DENND2A: variants seen among roughly 807,000 people sequenced by gnomAD.
DENND2A encodes DENN domain containing 2A, also known as DENN domain-containing protein 2A.
Under a neutral mutation model 105.3 loss-of-function variants are expected in DENND2A, and 53 were observed. The observed-to-expected ratio is 0.50, with a 90% CI of 0.40 to 0.63. The LOEUF (loss-of-function observed/expected upper bound fraction) is 0.63. Ranked by LOEUF, DENND2A falls within the 30% of genes least tolerant of loss-of-function variation. DENND2A has a pLI of 0.00. For synonymous variants in DENND2A, 522 were observed against 508.4 expected (o/e 1.03, Z -0.36); for missense variants, 1,138 against 1,279.6 (o/e 0.89, Z 1.69).
chr7:140,560,062 C>T (rs1461109856), intron 9 of DENND2A, among the ~76,000 whole-genome samples: 1 of 152,064 alleles, frequency 6.6e-6, no homozygotes, highest in African/African-American at 2.4e-5. Context: ...ATTCTCTATG[C>T]TTGACATTCT....
intron 12 of DENND2A, among the ~76,000 whole-genome samples, chr7:140,553,130 G>T (rs1003868268): frequency 6.6e-6 from 1 of 152,088 alleles, no homozygotes; most frequent in Non-Finnish European, 1.5e-5. Context: ...GGAGGATCCC[G>T]CCAGCCTCTG....
At position 140,568,763 on chromosome 7, in the gene DENND2A, C is replaced by T; in HGVS notation, c.1591G>A (p.Ala531Thr). The T allele has an allele frequency of 6.2e-7, 1 of 1,614,122 alleles. No individual in the cohort carries two copies. The highest frequency in any genetic ancestry group is 8.5e-7 in the Non-Finnish European group (1 of 1,180,002). The change falls in exon 8 of 20, where the codon GCT becomes ACT. Residue 531 changes from alanine to threonine, a missense_variant and splice_region_variant. Transcript: ENST00000496613. ...CCTGCACAGTAGTGGCTCTCCTCAC[C>T]TTTCAGCTTCTCCTCTGTGTCACTG... is the stretch of plus-strand genomic sequence containing the variant. ...SDSDTEEKLK[A>T]HSQRLVNVKS... is the part of the protein sequence containing the mutation.
At chr7:140,614,132 A>G (rs193225055) in intron 1 of DENND2A, among the ~76,000 whole-genome samples, 66 of 151,914 alleles carry the variant, frequency 4.3e-4, no homozygotes, top group African/African-American at 1.6e-3. Flanking sequence ...TTGAGACAGA[A>G]TCACTCTGTC....
In DENND2A at chr7:140,568,889, A is replaced by G. The variant is rs527462244; in HGVS notation, c.1541-76T>C. On this transcript the variant is annotated intron_variant, in intron 7 of 19. Transcript: ENST00000496613. ...TAGGAAACTCTTTCTATGTGGTAGC[A>G]CAGATCAAATGTTCTAATTCAGAGG... 4.1e-5 allele frequency: 59 copies of G among 1,448,568 alleles called. No homozygotes were observed. In the East Asian group the frequency reaches 9.8e-4, roughly 24 times the overall value. The allele number at this position is 1,448,568 out of a possible 1,614,324, so 89.7% of individuals were successfully genotyped here. A position where few individuals can be genotyped will look rare whatever the true frequency, so the allele number is the denominator to read the frequency against.
intron 1 of DENND2A, among the ~76,000 whole-genome samples, chr7:140,622,081 C>G (rs1392972919): frequency 6.6e-6 from 1 of 152,120 alleles, no homozygotes; most frequent in African/African-American, 2.4e-5. Context: ...AAGATGATAC[C>G]AGAAGCATAA....
At chr7:140,574,157 G>A in intron 5 of DENND2A, 149 bp from the exon 6 acceptor site, 1 of 766,908 alleles carries the variant, frequency 1.3e-6, no homozygotes, top group Admixed American at 2.5e-5. Context: ...ATGCCAGTAA[G>A]TGTTCAATGA....
At position 140,523,328 on chromosome 7, in the gene DENND2A, C is replaced by G. The variant is rs756789377; in HGVS notation, c.2644G>C (p.Gly882Arg). The change falls in exon 17 of 20, where the codon GGG (glycine) becomes CGG (arginine). Residue 882 changes from glycine to arginine, a missense_variant. Around this residue, in one of 2 missense-constraint regions of DENND2A, gnomAD observed 627 missense variants for 779.8 expected, o/e 0.80. Transcript: ENST00000496613. This position sits in a 1 kb window ranked among gnomAD's most constrained non-coding sequence, Gnocchi z 4.5. ...RNELACEQDE[G>R]PLDGRHGPES... Reference sequence around the variant, plus strand: ...TTACCGTGCCTGCCGTCTAGGGGCCCTTCGTCCTGCTCACAAGCCAGCTCG... The same window carrying G: ...TTACCGTGCCTGCCGTCTAGGGGCCGTTCGTCCTGCTCACAAGCCAGCTCG... 8.7e-6 allele frequency: 14 copies of G among 1,614,192 alleles called. No homozygotes were observed. In the South Asian group the frequency reaches 1.5e-4, roughly 18 times the overall value.
At chr7:140,596,173 A>G (rs900586821) in intron 3 of DENND2A, among the ~76,000 whole-genome samples, 5 of 152,210 alleles carry the variant, frequency 3.3e-5, no homozygotes, top group Admixed American at 3.3e-4. Context: ...CCACCTTTCA[A>G]TGAGAAATGA....
rs542081484 is a variant in DENND2A at position 140,599,024 on chromosome 7, A to G, written c.995+2379T>C. ...TTATTAGCAACATTAAGAACTTTCT[A>G]TAAGCTCTACTAGATATTAAAATAC... On this transcript the variant is annotated intron_variant, in intron 3 of 19. Transcript: ENST00000496613. Among the ~76,000 whole-genome samples the G allele has an allele frequency of 6.6e-5, 10 of 152,308 alleles. No individual in the cohort carries two copies. In the South Asian group the frequency reaches 1.7e-3, roughly 25 times the overall value.
chr7:140,544,944 G>C (rs755746093), intron 13 of DENND2A, 178 bp from the exon 14 acceptor site: 13 of 884,282 alleles, frequency 1.5e-5, no homozygotes, highest in Non-Finnish European at 1.8e-5. Flanking sequence ...GCCAGAAGAC[G>C]GGGGGCGGAG....
Position 140,544,731 on chromosome 7 carries a change from G to T in DENND2A, c.2214C>A (p.Leu738=), listed in dbSNP as rs760659617. ...IELCRPLDSR[L]EHVDFESLFS... is the part of the protein sequence containing the mutation. ...AGAGAGACTCAAAGTCCACGTGCTC[G>T]AGCCGGGAGTCCAGCGGGCGGCACA... is the stretch of plus-strand genomic sequence containing the variant. Residue 738 remains leucine, a synonymous_variant, in exon 14 of 20, where the codon CTC becomes CTA. Coordinates refer to ENST00000496613, the MANE Select transcript of DENND2A (RefSeq NM_015689.5). 6.2e-7 allele frequency: 1 copy of T among 1,603,508 alleles called. No homozygotes were observed. Among genetic ancestry groups the T allele is most frequent in the Non-Finnish European group, 8.5e-7 (1 of 1,175,296 alleles).
At position 140,518,740 on chromosome 7, in the gene DENND2A, TA is replaced by T. The variant is rs771987437; in HGVS notation, c.2999-3del. The T allele has an allele frequency of 1.1e-5, 17 of 1,611,144 alleles. No homozygotes were observed. Among genetic ancestry groups the T allele is most frequent in the African/African-American group, 1.3e-5 (1 of 74,786 alleles). On this transcript the variant is annotated splice_region_variant and splice_polypyrimidine_tract_variant and intron_variant, in intron 19 of 19. Coordinates refer to ENST00000496613, the MANE Select transcript of DENND2A (RefSeq NM_015689.5). ...TGTGGAGAAATTTCATTTTATTGCCTAAAAAAAAGGAAAATGAGAACATTTC... is the reference window on the plus strand; with the variant it reads ...TGTGGAGAAATTTCATTTTATTGCCTAAAAAAAGGAAAATGAGAACATTTC...
At chr7:140,624,364 AACACAACAAC>A (rs1246696493) in intron 1 of DENND2A, among the ~76,000 whole-genome samples, 3 of 120,920 alleles carry the variant, frequency 2.5e-5, no homozygotes, top group African/African-American at 1.0e-4. Context: ...CAACAACAAC[AACACAACAAC>A]AACAACAACA....
intron 6 of DENND2A, among the ~76,000 whole-genome samples, chr7:140,570,725 G>C (rs1798058715): frequency 6.6e-6 from 1 of 152,160 alleles, no homozygotes; most frequent in South Asian, 2.1e-4. Flanking sequence ...CAGCCTATGT[G>C]GTCTCCCCCA....
chr7:140,550,268 C>G (rs945562996), intron 12 of DENND2A, among the ~76,000 whole-genome samples: 1 of 152,160 alleles, frequency 6.6e-6, no homozygotes, highest in African/African-American at 2.4e-5. Flanking sequence ...TTTTGGCTCA[C>G]TGCAACGTCT....
At chr7:140,594,487 C>G (rs890094345) in intron 3 of DENND2A, among the ~76,000 whole-genome samples, 2 of 152,144 alleles carry the variant, frequency 1.3e-5, no homozygotes, top group Non-Finnish European at 2.9e-5. Flanking sequence ...TCCTCTTGAT[C>G]CCATCTGTTT....
intron 1 of DENND2A, among the ~76,000 whole-genome samples, chr7:140,633,674 G>A (rs1346099380): frequency 6.6e-6 from 1 of 152,092 alleles, no homozygotes; most frequent in Non-Finnish European, 1.5e-5. Flanking sequence ...CCCATCCTAG[G>A]TTTCAGCCTA....
intron 1 of DENND2A, among the ~76,000 whole-genome samples, chr7:140,628,344 G>T (rs1003213095): frequency 6.6e-6 from 1 of 152,166 alleles, no homozygotes; most frequent in Non-Finnish European, 1.5e-5. Flanking sequence ...GGTGCCAACT[G>T]TGAAAGTAAG....
chr7:140,588,767 T>C (rs1280380108), intron 3 of DENND2A, among the ~76,000 whole-genome samples: 1 of 50,286 alleles, frequency 2.0e-5, no homozygotes, highest in African/African-American at 1.4e-4. Context: ...TTTTTGGCAC[T>C]TTTTTTTTTT....
Sources: gnomAD v4.1 joint callset for allele counts (sites outside exome capture counted in the v4.1 genomes callset) on GRCh38, gnomAD v4.1.1 for gene constraint, gnomAD v4.1.1 regional missense constraint, Gnocchi (gnomAD v3.1) non-coding constraint, MANE v1.5 for transcripts, NCBI Gene and HGNC (gene_info 2026-07-23, HGNC 2026-07-21) for gene names.